Variants in NFS1 observed in about 807,000 individuals in gnomAD.
NFS1 encodes NFS1 cysteine desulfurase.
In NFS1, 26 loss-of-function variants were observed where a neutral mutation model predicts 57.3. The ratio of observed to expected loss-of-function variants is 0.45; its 90% CI spans 0.33 to 0.63. The LOEUF is 0.63. Among genes scored for constraint, NFS1 ranks in the 20% least tolerant of loss-of-function variants. The probability of loss-of-function intolerance (pLI) is 0.02; values close to 1 mark genes in which losing one functional copy is unlikely to be tolerated. For synonymous variants in NFS1, 209 were observed against 216.3 expected (o/e 0.97, Z 0.30); for missense variants, 505 against 605.8 (o/e 0.83, Z 1.75).
chr20:35,681,218 CAAACA>C (rs1424953739), intron 6 of NFS1, among the ~76,000 whole-genome samples: 10 of 142,248 alleles, frequency 7.0e-5, no homozygotes. Context: ...GATTAAAAAA[CAAACA>C]AAACAAAATA....
intron 4 of NFS1, 22 bp from the exon 5 acceptor site, chr20:35,690,587 T>C (rs759031119): frequency 6.2e-6 from 10 of 1,613,214 alleles, no homozygotes; most frequent in South Asian, 4.4e-5. Flanking sequence ...TGGTGACAGA[T>C]GGAAGGAGAA....
At chr20:35,674,103 C>G in intron 10 of NFS1, 1 of 520,900 alleles carries the variant, frequency 1.9e-6, no homozygotes, top group South Asian at 2.1e-5. Context: ...TAACCCACAA[C>G]AGACACATAC....
intron 5 of NFS1, among the ~76,000 whole-genome samples, chr20:35,682,454 G>A (rs765116025): frequency 1.3e-5 from 2 of 152,174 alleles, no homozygotes; most frequent in Non-Finnish European, 1.5e-5. Context: ...ACTGGCACAC[G>A]CAGCAGTGAA....
chr20:35,675,516 T>G, intron 7 of NFS1: 3 of 335,320 alleles, frequency 8.9e-6, no homozygotes, highest in Non-Finnish European at 1.6e-5. Flanking sequence ...AACTTAGATG[T>G]CCATCATCAG....
chr20:35,675,567 A>G (rs2034725884), intron 7 of NFS1: 1 of 220,994 alleles, frequency 4.5e-6, no homozygotes, highest in Non-Finnish European at 9.0e-6. Context: ...ATACAATGAA[A>G]TACCAAGCAG....
In NFS1 at chr20:35,669,453, C is replaced by G; in HGVS notation, c.*169G>C. The G allele has an allele frequency of 4.7e-6, 3 of 640,826 alleles. No individual in the cohort carries two copies. Among genetic ancestry groups the G allele is most frequent in the Non-Finnish European group, 8.5e-6 (3 of 350,988 alleles). The allele number at this position is 640,826 out of a possible 1,614,324, so 39.7% of individuals were successfully genotyped here. A position where few individuals can be genotyped will look rare whatever the true frequency, so the allele number is the denominator to read the frequency against. The stretch of plus-strand genomic sequence containing the variant: ...GTGCTCCACACCCAAGGAACTGAAG[C>G]TAGGGAAAGACAGTTTTCTTGTGTT... On this transcript the variant is annotated 3_prime_UTR_variant, in exon 13 of 13. Coordinates refer to ENST00000374092, the MANE Select transcript of NFS1 (RefSeq NM_021100.5).
At chr20:35,692,527 TAAAAAAAAAAAA>T (rs61052129) in intron 4 of NFS1, among the ~76,000 whole-genome samples, 2 of 42,742 alleles carry the variant, frequency 4.7e-5, no homozygotes, top group African/African-American at 7.6e-5. Flanking sequence ...TCATCTATAC[TAAAAAAAAAAAA>T]AAAAAAAAAA....
intron 5 of NFS1, among the ~76,000 whole-genome samples, chr20:35,687,739 A>C (rs1206194390): frequency 6.6e-6 from 1 of 152,174 alleles, no homozygotes; most frequent in African/African-American, 2.4e-5. Context: ...CTACAAAAGG[A>C]CTAGTTCAGG....
intron 5 of NFS1, among the ~76,000 whole-genome samples, chr20:35,687,069 C>T (rs1023486527): frequency 6.6e-6 from 1 of 152,166 alleles, no homozygotes; most frequent in African/African-American, 2.4e-5. Flanking sequence ...TCTGGGAAGA[C>T]GCCCTTTGCC....
Position 35,699,352 on chromosome 20 carries a change from T to G in NFS1, c.-64A>C, listed in dbSNP as rs2035205355. 1 of 1,370,508 alleles carries G rather than the reference T, an allele frequency of 7.3e-7. No individual in the cohort carries two copies. Among genetic ancestry groups the G allele is most frequent in the South Asian group, 1.5e-5 (1 of 65,048 alleles). 84.9% of individuals were successfully genotyped at this position (1,370,508 alleles called of 1,614,324 possible). A position where few individuals can be genotyped will look rare whatever the true frequency, so the allele number is the denominator to read the frequency against. Reference sequence around the variant, plus strand: ...GTCCTGGGCCCCAGGCTCCCGGAAGTGCTGCCCGGCGCTCCGGAAGCGATT... The same window carrying G: ...GTCCTGGGCCCCAGGCTCCCGGAAGGGCTGCCCGGCGCTCCGGAAGCGATT... On this transcript the variant is annotated 5_prime_UTR_variant, in exon 1 of 13. Coordinates refer to ENST00000374092, the MANE Select transcript of NFS1 (RefSeq NM_021100.5). This position sits in a 1 kb window ranked among gnomAD's most constrained non-coding sequence, Gnocchi z 4.4.
intron 5 of NFS1, among the ~76,000 whole-genome samples, chr20:35,689,356 G>A (rs531202104): frequency 4.6e-5 from 7 of 152,298 alleles, no homozygotes; most frequent in South Asian, 2.1e-4. Context: ...CAGGCATGGC[G>A]GCTCATGCCT....
At chr20:35,697,891 C>G (rs1373102653) in intron 2 of NFS1, 91 bp from the exon 3 acceptor site, 1 of 769,016 alleles carries the variant, frequency 1.3e-6, no homozygotes, top group Admixed American at 2.3e-5. Flanking sequence ...TGCCTTAAGA[C>G]ACTCTCAACC....
At chr20:35,674,848 A>G in intron 8 of NFS1, 197 bp downstream of exon 8, 2 of 727,864 alleles carry the variant, frequency 2.7e-6, no homozygotes, top group South Asian at 3.6e-5. Context: ...AAATGAGCTG[A>G]TAACTACTAA....
chr20:35,690,547 T>C lies in NFS1; in HGVS notation c.427A>G (p.Arg143Gly), dbSNP rs977957886. The stretch of plus-strand genomic sequence containing the variant: ...GTGATCAAGTGCTTTTTCCGTGACC[T>C]GTAGAATCGGGCCACCCCCTAGAAA... Reference protein sequence around the residue: ...IAIKGVARFYRSRKKHLITTQ... With the variant: ...IAIKGVARFYGSRKKHLITTQ... The change falls in exon 5 of 13, where the codon AGG becomes GGG. Residue 143 changes from arginine to glycine, a missense_variant. Transcript: ENST00000374092. 19 of 1,614,044 alleles carry C rather than the reference T, an allele frequency of 1.2e-5. No homozygotes were observed. The highest frequency in any genetic ancestry group is 1.6e-5 in the Non-Finnish European group (19 of 1,179,980).
In NFS1 at chr20:35,674,364, G is replaced by A; in HGVS notation, c.1122C>T (p.Ala374=). Residue 374 remains alanine (A), a synonymous_variant, in exon 10 of 13, where the codon GCC becomes GCT. Transcript: ENST00000374092. ...ESLLMALKDV[A]LSSGSACTSA... ...GTCCAGCTCACCTCCCTGAGGATAAGGCAACGTCCTTCAGTGCCATCAGCA... is the reference window on the plus strand; with the variant it reads ...GTCCAGCTCACCTCCCTGAGGATAAAGCAACGTCCTTCAGTGCCATCAGCA... The A allele has an allele frequency of 1.9e-6, 3 of 1,614,068 alleles. No individual in the cohort carries two copies. Among genetic ancestry groups the A allele is most frequent in the Non-Finnish European group, 1.7e-6 (2 of 1,179,996 alleles).
intron 4 of NFS1, among the ~76,000 whole-genome samples, chr20:35,690,797 A>G (rs1047298747): frequency 1.3e-5 from 2 of 152,216 alleles, no homozygotes; most frequent in Non-Finnish European, 2.9e-5. Context: ...GATACCAGAC[A>G]TAAGTCCCAG....
intron 3 of NFS1, among the ~76,000 whole-genome samples, chr20:35,697,302 T>TAA (rs368169006): frequency 2.6e-4 from 33 of 125,986 alleles, no homozygotes; most frequent in South Asian, 1.2e-3. Flanking sequence ...CTCCATCTCA[T>TAA]AAAAAAAAAA....
At chr20:35,691,167 T>C (rs1202498982) in intron 4 of NFS1, among the ~76,000 whole-genome samples, 1 of 152,152 alleles carries the variant, frequency 6.6e-6, no homozygotes, top group Non-Finnish European at 1.5e-5. Context: ...TACAGATTAA[T>C]GTAGGTATTT....
intron 5 of NFS1, among the ~76,000 whole-genome samples, chr20:35,686,312 T>C (rs982341234): frequency 6.4e-5 from 9 of 141,016 alleles, no homozygotes; most frequent in African/African-American, 2.1e-4. Flanking sequence ...AGCATGCCAT[T>C]GCACTCCAGC....
Sources: allele counts gnomAD v4.1 joint callset (sites outside exome capture counted in the v4.1 genomes callset), GRCh38; gene constraint gnomAD v4.1.1; non-coding constraint Gnocchi (gnomAD v3.1); transcripts MANE v1.5; gene names NCBI Gene and HGNC (gene_info 2026-07-23, HGNC 2026-07-21).